Variants in ATP8A2 observed in about 807,000 individuals in gnomAD.
The protein encoded by ATP8A2 is phospholipid-transporting ATPase IB.
ATP8A2 carries 100 observed loss-of-function variants against 165.6 expected under a neutral mutation model. The ratio of observed to expected loss-of-function variants is 0.60; its 90% confidence interval spans 0.51 to 0.71. The LOEUF is 0.71. Ranked by LOEUF, ATP8A2 falls within the 30% of genes least tolerant of loss-of-function variation. The pLI, the probability that ATP8A2 is intolerant of heterozygous loss-of-function variation, is 0.00. For synonymous variants in ATP8A2, 543 were observed against 548.8 expected, an observed-to-expected ratio of 0.99 and a Z score of 0.15; for missense variants, 1,227 against 1,479.5, an observed-to-expected ratio of 0.83 and a Z score of 2.80.
At chr13:25,629,433 A>C (rs1460533181) in intron 24 of ATP8A2, among the ~76,000 whole-genome samples, 1 of 152,202 alleles carries the variant, frequency 6.6e-6, no homozygotes, top group Non-Finnish European at 1.5e-5. Context: ...TTTCCTTTTA[A>C]TCAGCCGTTT....
intron 24 of ATP8A2, among the ~76,000 whole-genome samples, chr13:25,598,404 A>G (rs2040294130): frequency 6.6e-6 from 1 of 152,172 alleles, no homozygotes; most frequent in African/African-American, 2.4e-5. Context: ...TGGGATTTTT[A>G]TGGAGATTTT....
At chr13:25,483,847 T>C (rs1356349276) in intron 2 of ATP8A2, among the ~76,000 whole-genome samples, 5 of 152,224 alleles carry the variant, frequency 3.3e-5, no homozygotes, top group Admixed American at 3.3e-4. Flanking sequence ...TTATTACGAA[T>C]GTTGTTCTTC....
intron 30 of ATP8A2, among the ~76,000 whole-genome samples, chr13:25,855,722 C>T (rs145657433): frequency 5.9e-5 from 9 of 152,264 alleles, no homozygotes; most frequent in Admixed American, 4.6e-4. Context: ...CTGTACATAA[C>T]GCTCTGAGGA....
Position 25,977,412 on chromosome 13 carries a change from G to A in ATP8A2, c.3377+8733G>A, listed in dbSNP as rs560595769. Among the ~76,000 whole-genome samples, 22 of 152,300 alleles carry A rather than the reference G, an allele frequency of 1.4e-4. 1 individual carries two copies. In the East Asian group the frequency reaches 3.7e-3, roughly 26 times the overall value. On this transcript the variant is annotated intron_variant, in intron 35 of 36. Coordinates refer to ENST00000381655, the MANE Select transcript of ATP8A2 (RefSeq NM_016529.6). Reference sequence around the variant, plus strand: ...GAGGAAATGCATTAGTGGAACAAAGGGAGTGAATGTGGCAGGAAATTACCG... The same window carrying A: ...GAGGAAATGCATTAGTGGAACAAAGAGAGTGAATGTGGCAGGAAATTACCG...
chr13:25,565,671 C>G (rs1428469913), intron 16 of ATP8A2, among the ~76,000 whole-genome samples: 1 of 152,150 alleles, frequency 6.6e-6, no homozygotes, highest in East Asian at 1.9e-4. Context: ...TTCTCCCACT[C>G]TGTGGGTTGT....
chr13:25,803,758 T>C (rs1286128800), intron 27 of ATP8A2, among the ~76,000 whole-genome samples: 1 of 152,226 alleles, frequency 6.6e-6, no homozygotes, highest in East Asian at 1.9e-4. Flanking sequence ...AACCTGTTTG[T>C]TGTTAATACG....
chr13:25,520,405 C>A (rs112240238), intron 2 of ATP8A2, among the ~76,000 whole-genome samples: 5,813 of 152,228 alleles, frequency 0.038, 144 homozygotes, highest in Non-Finnish European at 0.05. Context: ...GCCACATTTT[C>A]TTTATCCATT....
intron 30 of ATP8A2, among the ~76,000 whole-genome samples, chr13:25,840,381 C>G (rs1951724201): frequency 6.6e-6 from 1 of 152,146 alleles, no homozygotes; most frequent in Admixed American, 6.5e-5. Flanking sequence ...TATAAAGTTT[C>G]CAAGCGTCTT....
At chr13:25,601,565 C>G (rs950876174) in intron 24 of ATP8A2, among the ~76,000 whole-genome samples, 1 of 152,146 alleles carries the variant, frequency 6.6e-6, no homozygotes, top group African/African-American at 2.4e-5. Flanking sequence ...CCTGGGTTCA[C>G]GTGATTCTCC....
intron 23 of ATP8A2, among the ~76,000 whole-genome samples, chr13:25,587,264 T>G (rs544511333): frequency 6.6e-6 from 1 of 152,228 alleles, no homozygotes; most frequent in Non-Finnish European, 1.5e-5. Flanking sequence ...CTGGTCTGTC[T>G]AGTGCGAGTG....
chr13:25,954,462 C>T (rs1178331507), intron 33 of ATP8A2, among the ~76,000 whole-genome samples: 1 of 152,222 alleles, frequency 6.6e-6, no homozygotes, highest in Non-Finnish European at 1.5e-5. Context: ...TGCCTGCCGG[C>T]TCTGAACAGA....
chr13:25,806,372 G>A (rs192377693), intron 27 of ATP8A2, among the ~76,000 whole-genome samples: 2 of 152,148 alleles, frequency 1.3e-5, no homozygotes, highest in Admixed American at 1.3e-4. Context: ...CACCTCTCAG[G>A]CATTTGCGCA....
chr13:25,991,473 G>A (rs961302187), intron 35 of ATP8A2, among the ~76,000 whole-genome samples: 3 of 152,034 alleles, frequency 2.0e-5, no homozygotes, highest in Admixed American at 6.6e-5. Flanking sequence ...TTTCCATCCC[G>A]CCATTGTGCT....
At chr13:25,423,716 A>G (rs1267358734) in intron 1 of ATP8A2, among the ~76,000 whole-genome samples, 3 of 152,174 alleles carry the variant, frequency 2.0e-5, no homozygotes, top group African/African-American at 2.4e-5. Context: ...GCATCTTTTT[A>G]TAAGTTCTTG....
At chr13:25,917,296 T>C (rs183169756) in intron 33 of ATP8A2, among the ~76,000 whole-genome samples, 29 of 152,298 alleles carry the variant, frequency 1.9e-4, no homozygotes, top group African/African-American at 5.3e-4. Flanking sequence ...TCCCTTGTCT[T>C]CCCTTCCCTT....
chr13:25,876,264 G>A (rs1484335704), intron 33 of ATP8A2, among the ~76,000 whole-genome samples: 1 of 152,192 alleles, frequency 6.6e-6, no homozygotes, highest in Non-Finnish European at 1.5e-5. Context: ...TTGAGGCGTA[G>A]GATTTCAGTG....
At chr13:25,774,427 G>C (rs960040608) in intron 26 of ATP8A2, among the ~76,000 whole-genome samples, 6 of 152,040 alleles carry the variant, frequency 3.9e-5, no homozygotes, top group African/African-American at 1.4e-4. Context: ...GGGGGAGGGA[G>C]GGCATCAGAT....
chr13:25,392,067 G>C (rs1431680830), intron 1 of ATP8A2, among the ~76,000 whole-genome samples: 2 of 152,180 alleles, frequency 1.3e-5, no homozygotes, highest in Middle Eastern at 3.2e-3. Context: ...AGTGCAGTGA[G>C]CTCAGCCCAC....
At chr13:25,735,557 G>T (rs190871279) in intron 25 of ATP8A2, among the ~76,000 whole-genome samples, 3 of 149,000 alleles carry the variant, frequency 2.0e-5, no homozygotes, top group African/African-American at 7.4e-5. Flanking sequence ...CTCCACACTG[G>T]CAAGGGTTGG....
Sources: allele counts gnomAD v4.1 joint callset (sites outside exome capture counted in the v4.1 genomes callset), GRCh38; gene constraint gnomAD v4.1.1; transcripts MANE v1.5; gene names NCBI Gene and HGNC (gene_info 2026-07-23, HGNC 2026-07-21).